NCOR2: variants seen among roughly 807,000 people sequenced by gnomAD.
NCOR2 encodes nuclear receptor corepressor 2.
A neutral mutation model predicts 262.9 loss-of-function variants in NCOR2; 81 were observed. The observed-to-expected ratio is 0.31, with a 90% CI of 0.26 to 0.37. The LOEUF (loss-of-function observed/expected upper bound fraction) is 0.37. Among genes scored for constraint, NCOR2 ranks in the 10% least tolerant of loss-of-function variants. The pLI is 1.00. For synonymous variants in NCOR2, 1,659 were observed against 1,559.3 expected (o/e 1.06, Z -1.51); for missense variants, 3,385 against 3,621.4 (o/e 0.93, Z 1.68).
intron 5 of NCOR2, among the ~76,000 whole-genome samples, chr12:124,460,295 C>T (rs1019032249): frequency 8.5e-5 from 13 of 152,236 alleles, no homozygotes; most frequent in Non-Finnish European, 1.5e-4. Context: ...GCGGCTGGCT[C>T]CCTCGCTCAG....
rs538813672 is a variant in NCOR2 at position 124,360,886 on chromosome 12, G to A, written c.3100+1240C>T. ...AACGACTCTAAAACCATCTTGCTTC[G>A]TTACGTGTTCCCTGGTTTAACATCC... On this transcript the variant is annotated intron_variant, in intron 22 of 46. Transcript: ENST00000405201. Among the ~76,000 whole-genome samples, 21 of 152,206 alleles carry A rather than the reference G, an allele frequency of 1.4e-4. No individual in the cohort carries two copies. The East Asian group carries it at 1.7e-3, about 13-fold the overall frequency.
At chr12:124,374,901 G>GC (rs1211542138) in intron 18 of NCOR2, among the ~76,000 whole-genome samples, 8 of 152,050 alleles carry the variant, frequency 5.3e-5, no homozygotes, top group South Asian at 2.1e-4. Flanking sequence ...AGCCTTCATT[G>GC]CCCCCCCACC....
chr12:124,400,354 G>A, intron 15 of NCOR2, 147 bp downstream of exon 17: 2 of 1,078,604 alleles, frequency 1.9e-6, no homozygotes, highest in Non-Finnish European at 2.7e-6. Context: ...ACATCCAGTA[G>A]GTAGCGCTGG....
chr12:124,435,148 AT>A (rs2044259227), intron 8 of NCOR2, among the ~76,000 whole-genome samples: 1 of 152,122 alleles, frequency 6.6e-6, no homozygotes, highest in South Asian at 2.1e-4. Flanking sequence ...TGACTCCCAG[AT>A]CCGCACAAAG....
At chr12:124,404,325 C>T (rs906589693) in intron 13 of NCOR2, among the ~76,000 whole-genome samples, 1 of 152,200 alleles carries the variant, frequency 6.6e-6, no homozygotes, top group Non-Finnish European at 1.5e-5. Flanking sequence ...AGAGTCTGGG[C>T]AGGGCCGGGG....
At chr12:124,364,549 C>A (rs1232247377) in intron 20 of NCOR2, among the ~76,000 whole-genome samples, 1 of 152,224 alleles carries the variant, frequency 6.6e-6, no homozygotes, top group African/African-American at 2.4e-5. Context: ...TACTGAGATG[C>A]GCGACCAGAG....
At chr12:124,362,261 C>T (rs369551209) in exon 22 of NCOR2, 57 of 1,314,444 alleles carry the variant, frequency 4.3e-5, no homozygotes, top group Non-Finnish European at 5.1e-5. Flanking sequence ...GTGGGAGCTG[C>T]GTCCTCCCGG....
intron 27 of NCOR2, among the ~76,000 whole-genome samples, chr12:124,350,956 G>A (rs1326809934): frequency 6.6e-6 from 1 of 152,240 alleles, no homozygotes; most frequent in Non-Finnish European, 1.5e-5. Flanking sequence ...ATGAGTGGAC[G>A]CTGTTCTGGG....
At chr12:124,490,535 T>C (rs1356326859) in intron 1 of NCOR2, among the ~76,000 whole-genome samples, 3 of 152,086 alleles carry the variant, frequency 2.0e-5, no homozygotes, top group Non-Finnish European at 2.9e-5. Context: ...GCCTCTCTTT[T>C]GAGGGCCAAA....
At chr12:124,358,129 ATGTG>A (rs1326409480) in intron 22 of NCOR2, among the ~76,000 whole-genome samples, 3 of 88,762 alleles carry the variant, frequency 3.4e-5, no homozygotes, top group South Asian at 3.6e-4. Flanking sequence ...GAGTGCATGG[ATGTG>A]TGTGTGTGCA....
rs77584197 is a variant in NCOR2, at chr12:124,341,190, G to A, written c.5189-439C>T. On this transcript the variant is annotated intron_variant, in intron 34 of 46. Transcript: ENST00000405201. ...TGGAACGTGTGCACGCAAAGCAGCT[G>A]TGGGCTGTTTACAAGGCAAAGGAAC... Among the ~76,000 whole-genome samples the A allele has an allele frequency of 1.2e-4, 18 of 152,244 alleles. No homozygotes were observed. The East Asian group carries it at 3.5e-3, about 29-fold the overall frequency.
chr12:124,333,898 GC>G (rs1312392302), intron 41 of NCOR2, among the ~76,000 whole-genome samples: 50 of 62,306 alleles, frequency 8.0e-4, no homozygotes, highest in South Asian at 1.7e-3. Flanking sequence ...GTGTGTGTGC[GC>G]GCGCATGTGT....
At chr12:124,490,078 G>A (rs1019500068) in intron 1 of NCOR2, among the ~76,000 whole-genome samples, 24 of 152,176 alleles carry the variant, frequency 1.6e-4, no homozygotes, top group African/African-American at 4.1e-4. Context: ...GAATGATGGC[G>A]GCTACAGTCA....
At chr12:124,362,403 C>T (rs2038657160) in intron 21 of NCOR2, 106 bp from the exon 24 acceptor site, 3 of 1,037,078 alleles carry the variant, frequency 2.9e-6, no homozygotes, top group Admixed American at 3.2e-5. Flanking sequence ...CCCGGGAAAG[C>T]CAGCGACATG....
chr12:124,349,469 T>A (rs2037241954), intron 28 of NCOR2, among the ~76,000 whole-genome samples: 1 of 152,184 alleles, frequency 6.6e-6, no homozygotes, highest in Non-Finnish European at 1.5e-5. Context: ...TAATCGCCGA[T>A]GTTTAAACAT....
chr12:124,325,375 C>T, exon 47 of NCOR2: 1 of 406,196 alleles, frequency 2.5e-6, no homozygotes, highest in Non-Finnish European at 3.6e-6. Flanking sequence ...GGACCTGACA[C>T]CGCCCCCCCC....
chr12:124,502,608 G>A (rs870710), intron 1 of NCOR2, among the ~76,000 whole-genome samples: 90,823 of 151,850 alleles, frequency 0.6, 28,850 homozygotes, highest in South Asian at 0.73. Context: ...GGGAGGCCTG[G>A]ATGGGGAGAG....
intron 17 of NCOR2, among the ~76,000 whole-genome samples, chr12:124,380,249 C>T (rs895691921): frequency 1.3e-5 from 2 of 152,178 alleles, no homozygotes; most frequent in East Asian, 1.9e-4. Context: ...GAGGGGGTCT[C>T]GGGCTCCAAG....
intron 13 of NCOR2, among the ~76,000 whole-genome samples, chr12:124,416,470 T>G (rs1044196227): frequency 1.3e-5 from 2 of 152,164 alleles, no homozygotes; most frequent in Admixed American, 1.3e-4. Context: ...GGCCTTTTAT[T>G]CTACGGAGTC....
Sources: gnomAD v4.1 joint callset for allele counts (sites outside exome capture counted in the v4.1 genomes callset) on GRCh38, gnomAD v4.1.1 for gene constraint, MANE v1.5 for transcripts, NCBI Gene and HGNC (gene_info 2026-07-23, HGNC 2026-07-21) for gene names.